Variants in GRM7 observed in about 807,000 individuals in gnomAD.
GRM7 encodes metabotropic glutamate receptor 7.
In GRM7, 35 loss-of-function variants were observed where a neutral mutation model predicts 84.5. That is an observed-to-expected ratio of 0.41 (90% CI 0.32 to 0.55). The LOEUF is 0.55. GRM7 is among the 20% of genes least tolerant of loss of function. The pLI is 0.19. For synonymous variants in GRM7, 487 were observed against 455.1 expected (o/e 1.07, Z -0.89); for missense variants, 1,003 against 1,194.6 (o/e 0.84, Z 2.36).
intron 4 of GRM7, among the ~76,000 whole-genome samples, chr3:7,312,851 G>A (rs1700449181): frequency 6.6e-6 from 1 of 151,798 alleles, no homozygotes; most frequent in Non-Finnish European, 1.5e-5. Flanking sequence ...GCCATAAACT[G>A]TGATTGTCCC....
intron 4 of GRM7, among the ~76,000 whole-genome samples, chr3:7,314,645 G>A (rs1276671800): frequency 2.6e-5 from 4 of 152,028 alleles, no homozygotes; most frequent in Non-Finnish European, 5.9e-5. Context: ...TTTTATTTTG[G>A]TCATGTCTTT....
intron 7 of GRM7, among the ~76,000 whole-genome samples, chr3:7,565,940 T>G (rs1694234719): frequency 6.6e-6 from 1 of 152,168 alleles, no homozygotes; most frequent in Non-Finnish European, 1.5e-5. Context: ...TATAAATAAT[T>G]TCCTGCATGA....
chr3:7,127,995 A>C (rs1158565941), intron 1 of GRM7, among the ~76,000 whole-genome samples: 3 of 152,070 alleles, frequency 2.0e-5, no homozygotes, highest in Non-Finnish European at 4.4e-5. Context: ...TCGAGTAGGA[A>C]ACACACACTA....
intron 7 of GRM7, among the ~76,000 whole-genome samples, chr3:7,576,915 G>A (rs1056050128): frequency 2.0e-5 from 3 of 152,168 alleles, no homozygotes; most frequent in African/African-American, 7.2e-5. Context: ...TCATAGTCTA[G>A]GAAAATTCTT....
At chr3:7,013,588 C>G (rs942606239) in intron 1 of GRM7, among the ~76,000 whole-genome samples, 16 of 152,086 alleles carry the variant, frequency 1.1e-4, no homozygotes, top group African/African-American at 2.9e-4. Context: ...CTATTTCTCC[C>G]TTTATCCTCT....
chr3:7,648,325 T>C (rs560193112), intron 8 of GRM7, among the ~76,000 whole-genome samples: 1 of 151,822 alleles, frequency 6.6e-6, no homozygotes, highest in Non-Finnish European at 1.5e-5. Context: ...TATTGATAAT[T>C]GAAGCAAGAC....
At chr3:7,094,642 C>A (rs1172260231) in intron 1 of GRM7, among the ~76,000 whole-genome samples, 1 of 152,112 alleles carries the variant, frequency 6.6e-6, no homozygotes, top group Non-Finnish European at 1.5e-5. Flanking sequence ...CTTTCATAGG[C>A]AATAGAACTA....
chr3:7,129,727 G>A (rs571215955), intron 1 of GRM7, among the ~76,000 whole-genome samples: 38 of 152,304 alleles, frequency 2.5e-4, no homozygotes, highest in Middle Eastern at 3.4e-3. Flanking sequence ...CTAGGACAGC[G>A]CTGCAGAAGT....
chr3:7,270,719 T>G (rs73809049), intron 2 of GRM7, among the ~76,000 whole-genome samples: 2,384 of 152,232 alleles, frequency 0.016, 58 homozygotes, highest in African/African-American at 0.055. Context: ...AAGAGCGAGA[T>G]TTAGTAGAAA....
chr3:6,877,202 C>A (rs1040708243), intron 1 of GRM7, among the ~76,000 whole-genome samples: 3 of 152,214 alleles, frequency 2.0e-5, no homozygotes, highest in African/African-American at 7.2e-5. Context: ...AAACTTCCCA[C>A]AGCAGGCAGA....
chr3:6,952,521 A>G (rs1215909402), intron 1 of GRM7, among the ~76,000 whole-genome samples: 3 of 152,146 alleles, frequency 2.0e-5, no homozygotes, highest in South Asian at 2.1e-4. Context: ...TGACTCTTCA[A>G]CTGAAGAAGT....
intron 1 of GRM7, among the ~76,000 whole-genome samples, chr3:7,103,307 T>G (rs1187726405): frequency 6.6e-6 from 1 of 151,794 alleles, no homozygotes; most frequent in Non-Finnish European, 1.5e-5. Flanking sequence ...GTTTCTGAAG[T>G]CTGGTCCAAA....
intron 2 of GRM7, among the ~76,000 whole-genome samples, chr3:7,211,986 C>G (rs1340129030): frequency 6.6e-6 from 1 of 151,872 alleles, no homozygotes; most frequent in Non-Finnish European, 1.5e-5. Context: ...GCAGTTCCCT[C>G]AGGCGTAGCT....
chr3:6,998,207 G>A (rs751304618), intron 1 of GRM7, among the ~76,000 whole-genome samples: 2 of 146,458 alleles, frequency 1.4e-5, no homozygotes, highest in African/African-American at 2.5e-5. Context: ...TTCCAAATGG[G>A]AGAAATTGAC....
chr3:7,511,335 G>A (rs923302625), intron 7 of GRM7, among the ~76,000 whole-genome samples: 3 of 151,432 alleles, frequency 2.0e-5, no homozygotes, highest in Non-Finnish European at 4.4e-5. Context: ...TCACACCTGA[G>A]TAAAATCACA....
chr3:7,468,885 T>A (rs1698574519), intron 7 of GRM7, among the ~76,000 whole-genome samples: 1 of 152,208 alleles, frequency 6.6e-6, no homozygotes, highest in African/African-American at 2.4e-5. Context: ...CCTAGCCATG[T>A]GGAACTGTGA....
At chr3:7,377,050 G>A (rs1274702872) in intron 4 of GRM7, among the ~76,000 whole-genome samples, 1 of 152,162 alleles carries the variant, frequency 6.6e-6, no homozygotes, top group Non-Finnish European at 1.5e-5. Context: ...TTAGAAGAAA[G>A]TAAGAAAAAA....
At chr3:7,734,068 C>CA (rs376422998) in intron 9 of GRM7, among the ~76,000 whole-genome samples, 1 of 152,278 alleles carries the variant, frequency 6.6e-6, no homozygotes, top group African/African-American at 2.4e-5. Flanking sequence ...GTTCCTGGCA[C>CA]AAATGGGGCA....
intron 2 of GRM7, among the ~76,000 whole-genome samples, chr3:7,233,696 G>T (rs1022584309): frequency 1.3e-5 from 2 of 152,116 alleles, no homozygotes; most frequent in African/African-American, 4.8e-5. Context: ...CAGATGACTA[G>T]AACTGCTCTA....
Sources: gnomAD v4.1 joint callset for allele counts (sites outside exome capture counted in the v4.1 genomes callset) on GRCh38, gnomAD v4.1.1 for gene constraint, MANE v1.5 for transcripts, NCBI Gene and HGNC (gene_info 2026-07-23, HGNC 2026-07-21) for gene names.